ARAP3: variants seen among roughly 807,000 people sequenced by gnomAD.
ARAP3 encodes the protein arf-GAP with Rho-GAP domain, ANK repeat and PH domain-containing protein 3.
A neutral mutation model predicts 169.2 loss-of-function variants in ARAP3; 82 were observed. The ratio of observed to expected loss-of-function variants is 0.48; its 90% CI spans 0.41 to 0.58. The LOEUF is 0.58. Ranked by LOEUF, ARAP3 falls within the 20% of genes least tolerant of loss-of-function variation. The pLI, the probability that ARAP3 is intolerant of heterozygous loss-of-function variation, is 0.00. For missense variants in ARAP3, 1,764 were observed against 2,018.0 expected, an observed-to-expected ratio of 0.87 and a Z score of 2.41; for synonymous variants, 791 against 800.3, an observed-to-expected ratio of 0.99 and a Z score of 0.20.
Position 141,672,128 on chromosome 5 carries a change from C to T in ARAP3, c.1559G>A (p.Gly520Glu). ...SRPDWAAVNL[G>E]VVICKQCAGQ... ...TGCACACTGCTTGCAGATGACCACCCCCAAATTGACAGCAGCCCAATCTGG... is the reference window on the plus strand; with the variant it reads ...TGCACACTGCTTGCAGATGACCACCTCCAAATTGACAGCAGCCCAATCTGG... Residue 520 changes from glycine to glutamate, a missense_variant, in exon 10 of 33, where the codon GGG becomes GAG. Physicochemically the swap from Gly to Glu is moderately conservative, Grantham distance 98. Around this residue, in one of 3 missense-constraint regions of ARAP3, gnomAD observed 22 missense variants for 53.6 expected, o/e 0.41. Coordinates refer to ENST00000239440, the MANE Select transcript of ARAP3 (RefSeq NM_022481.6). This position sits in a 1 kb window ranked among gnomAD's most constrained non-coding sequence, Gnocchi z 4.9. 1 of 1,614,182 alleles carries T rather than the reference C, an allele frequency of 6.2e-7. No individual in the cohort carries two copies. The highest frequency in any genetic ancestry group is 2.2e-5 in the East Asian group (1 of 44,872).
At chr5:141,657,578 G>A (rs1359903393) in intron 25 of ARAP3, among the ~76,000 whole-genome samples, 1 of 152,224 alleles carries the variant, frequency 6.6e-6, no homozygotes, top group Non-Finnish European at 1.5e-5. Flanking sequence ...CCCCTTTCTG[G>A]GGCCACACAT....
intron 16 of ARAP3, among the ~76,000 whole-genome samples, chr5:141,667,688 A>C (rs2099910852): frequency 7.0e-6 from 1 of 142,058 alleles, no homozygotes; most frequent in South Asian, 2.5e-4. Context: ...TCGGCCTCCC[A>C]AAGTGTTGGG....
At chr5:141,665,124 A>AC (rs2099910463) in intron 18 of ARAP3, 39 bp from the exon 19 acceptor site, 1 of 1,589,442 alleles carries the variant, frequency 6.3e-7, no homozygotes, top group Non-Finnish European at 8.6e-7. Flanking sequence ...CAGCTCCGAC[A>AC]GGCCCAGATG....
At position 141,666,518 on chromosome 5, in the gene ARAP3, G is replaced by A; in HGVS notation, c.2478C>T (p.Leu826=). The change falls in exon 17 of 33, where the codon CTC becomes CTT. Residue 826 remains leucine (L), a synonymous_variant. Coordinates refer to ENST00000239440, the MANE Select transcript of ARAP3 (RefSeq NM_022481.6). ...APGLWLSGFG[L]LRGDHLFLCS... ...ACAGGAAGAGGTGGTCACCACGAAG[G>A]AGGCCAAACCCTGACAGCCAGAGAC... is the stretch of plus-strand genomic sequence containing the variant. 6.9e-6 allele frequency: 11 copies of A among 1,603,870 alleles called. No individual in the cohort carries two copies. Among genetic ancestry groups the A allele is most frequent in the Non-Finnish European group, 2.6e-6 (3 of 1,175,366 alleles).
At chr5:141,655,258 A>ACACACCC in intron 32 of ARAP3, 104 bp downstream of exon 32, 1 of 1,109,418 alleles carries the variant, frequency 9.0e-7, no homozygotes, top group South Asian at 1.5e-5. Context: ...ACACACACAC[A>ACACACCC]CCCCCTGATG....
intron 4 of ARAP3, among the ~76,000 whole-genome samples, chr5:141,674,614 G>A (rs1454752512): frequency 6.6e-6 from 1 of 152,182 alleles, no homozygotes; most frequent in Non-Finnish European, 1.5e-5. Flanking sequence ...AGATTGGCAT[G>A]GGGCTGCTTT....
Position 141,679,678 on chromosome 5 carries a change from G to A in ARAP3, c.587-22C>T, listed in dbSNP as rs376793312. The stretch of plus-strand genomic sequence containing the variant: ...TGCACTGGCAGGAGGAGAGGGGAAC[G>A]CACAAGGAAGAGGAGATCGCTGGGA... On this transcript the variant is annotated intron_variant, in intron 3 of 32. Coordinates refer to ENST00000239440, the MANE Select transcript of ARAP3 (RefSeq NM_022481.6). The A allele has an allele frequency of 9.9e-6, 16 of 1,613,616 alleles. No homozygotes were observed. In the Admixed American group the frequency reaches 1.0e-4, roughly 10 times the overall value.
At position 141,656,213 on chromosome 5, in the gene ARAP3, T is replaced by G. The variant is rs750620055; in HGVS notation, c.3853A>C (p.Lys1285Gln). The change falls in exon 28 of 33, where the codon AAG (lysine) becomes CAG (glutamine). Residue 1285 changes from lysine to glutamine, a missense_variant. Physicochemically the swap from Lys to Gln is moderately conservative, Grantham distance 53. Around this residue, in one of 3 missense-constraint regions of ARAP3, gnomAD observed 1,112 missense variants for 1,285.7 expected, o/e 0.86. Transcript: ENST00000239440. Reference protein sequence around the residue: ...GAKVYLGIRKKLKPPTPWGFT... With the variant: ...GAKVYLGIRKQLKPPTPWGFT... The stretch of plus-strand genomic sequence containing the variant: ...ACTCACGGTGTTGGGGGCTTTAACT[T>G]CTTGCGGATTCCCAGGTAGACCTTG... 1 of 1,614,156 alleles carries G rather than the reference T, an allele frequency of 6.2e-7. No individual in the cohort carries two copies. Among genetic ancestry groups the G allele is most frequent in the Admixed American group, 1.7e-5 (1 of 60,022 alleles).
intron 4 of ARAP3, among the ~76,000 whole-genome samples, chr5:141,676,862 A>G (rs2099912249): frequency 6.6e-6 from 1 of 152,080 alleles, no homozygotes; most frequent in African/African-American, 2.4e-5. Context: ...ACCTCTCTCT[A>G]GACTCTAAGC....
intron 4 of ARAP3, among the ~76,000 whole-genome samples, chr5:141,677,457 G>A (rs924843007): frequency 1.4e-5 from 2 of 146,822 alleles, no homozygotes; most frequent in Admixed American, 7.1e-5. Context: ...AGCCCTCAAA[G>A]TCATTCTTGA....
intron 27 of ARAP3, 53 bp from the exon 28 acceptor site, chr5:141,656,329 T>C (rs1193887035): frequency 4.3e-6 from 7 of 1,610,524 alleles, no homozygotes; most frequent in Non-Finnish European, 5.9e-6. Flanking sequence ...TCATGGTTAA[T>C]GAGGTCAAGA....
chr5:141,654,037 G>C lies in ARAP3; in HGVS notation c.4548C>G (p.Ser1516Arg). 6.3e-7 allele frequency: 1 copy of C among 1,594,216 alleles called. No homozygotes were observed. The highest frequency in any genetic ancestry group is 8.5e-7 in the Non-Finnish European group (1 of 1,170,512). ...GTGTCTGTGTTGGAAGGCCAGTGGG[G>C]CTGGGGGATTGGGGGCTGGATGGCT... ...PSQPSSPQSP[S>R]PTGLPTQTPG... Residue 1516 changes from serine (S) to arginine (R), a missense_variant, in exon 33 of 33, where the codon AGC becomes AGG. This residue lies in a region of ARAP3 where 1,112 missense variants were observed against 1,285.7 expected (regional missense o/e 0.86). Coordinates refer to ENST00000239440, the MANE Select transcript of ARAP3 (RefSeq NM_022481.6).
Position 141,671,308 on chromosome 5 carries a change from G to A in ARAP3, c.1947C>T (p.Phe649=), listed in dbSNP as rs776766390. 9.3e-6 allele frequency: 15 copies of A among 1,613,498 alleles called. No homozygotes were observed. The African/African-American group carries it at 1.9e-4, about 20-fold the overall frequency. The stretch of plus-strand genomic sequence containing the variant: ...GGCAGCTGCCATCAGGGGCTGGGGG[G>A]AACCAGGGCTCCTCGCCTTCAAAGG... ...VEAFEGEEPW[F]PPAPDGSCPG... is the part of the protein sequence containing the mutation. The change falls in exon 13 of 33, where the codon TTC becomes TTT. Residue 649 remains phenylalanine, a synonymous_variant. Transcript: ENST00000239440. The surrounding 1 kb of genome is among the most constrained non-coding windows in gnomAD (Gnocchi z 4.9).
chr5:141,671,302 T>C lies in ARAP3; in HGVS notation c.1953A>G (p.Pro651=). The change falls in exon 13 of 33, where the codon CCA becomes CCG. Residue 651 remains proline, a synonymous_variant. Transcript: ENST00000239440. This position sits in a 1 kb window ranked among gnomAD's most constrained non-coding sequence, Gnocchi z 4.9. ...AFEGEEPWFP[P]APDGSCPGLL... ...GGCCAGGGCAGCTGCCATCAGGGGC[T>C]GGGGGGAACCAGGGCTCCTCGCCTT... 6.2e-7 allele frequency: 1 copy of C among 1,613,234 alleles called. No individual in the cohort carries two copies. The highest frequency in any genetic ancestry group is 8.5e-7 in the Non-Finnish European group (1 of 1,179,646).
intron 26 of ARAP3, 31 bp downstream of exon 26, chr5:141,656,687 G>A (rs1232210489): frequency 6.2e-7 from 1 of 1,612,980 alleles, no homozygotes; most frequent in Admixed American, 1.7e-5. Context: ...GGAGAGACCT[G>A]GGGGATGCTG....
chr5:141,655,668 G>T lies in ARAP3; in HGVS notation c.4063C>A (p.Arg1355Ser). 1 of 1,614,162 alleles carries T rather than the reference G, an allele frequency of 6.2e-7. No homozygotes were observed. Among genetic ancestry groups the T allele is most frequent in the Admixed American group, 1.7e-5 (1 of 60,026 alleles). The change falls in exon 31 of 33, where the codon CGT becomes AGT. Residue 1355 changes from arginine (R) to serine (S), a missense_variant. Physicochemically the swap from Arg to Ser is moderately radical, Grantham distance 110 (BLOSUM62 -1). This residue lies in a region of ARAP3 where 1,112 missense variants were observed against 1,285.7 expected (regional missense o/e 0.86). Coordinates refer to ENST00000239440, the MANE Select transcript of ARAP3 (RefSeq NM_022481.6). Reference protein sequence around the residue: ...KFGTMPLLPIRGDDSGATLLS... With the variant: ...KFGTMPLLPISGDDSGATLLS... ...AGGGTGGCTCCACTGTCATCCCCACGGATAGGCAGCAAAGGCATAGTGCCA... is the reference window on the plus strand; with the variant it reads ...AGGGTGGCTCCACTGTCATCCCCACTGATAGGCAGCAAAGGCATAGTGCCA...
rs1464135643 is a variant in ARAP3, at chr5:141,662,061, G to A, written c.2995C>T (p.Arg999Cys). 3.7e-6 allele frequency: 6 copies of A among 1,614,046 alleles called. No homozygotes were observed. Among genetic ancestry groups the A allele is most frequent in the Middle Eastern group, 3.3e-4 (2 of 6,084 alleles). The change falls in exon 20 of 33, where the codon CGC becomes TGC. Residue 999 changes from arginine to cysteine, a missense_variant. Around this residue, in one of 3 missense-constraint regions of ARAP3, gnomAD observed 1,112 missense variants for 1,285.7 expected, o/e 0.86. Coordinates refer to ENST00000239440, the MANE Select transcript of ARAP3 (RefSeq NM_022481.6). Reference protein sequence around the residue: ...DPVTSARLLPRWREAAELPQK... With the variant: ...DPVTSARLLPCWREAAELPQK... Reference sequence around the variant, plus strand: ...GGAATACCAGCAGCCTCCCTCCAGCGAGGCAGCAACCGTGCAGAGGTCACA... The same window carrying A: ...GGAATACCAGCAGCCTCCCTCCAGCAAGGCAGCAACCGTGCAGAGGTCACA...
chr5:141,672,867 C>G lies in ARAP3; in HGVS notation c.1152G>C (p.Leu384=). 6.2e-7 allele frequency: 1 copy of G among 1,606,036 alleles called. No individual in the cohort carries two copies. Among genetic ancestry groups the G allele is most frequent in the African/African-American group, 1.3e-5 (1 of 74,896 alleles). Residue 384 remains leucine (L), a synonymous_variant, in exon 8 of 33, where the codon CTG becomes CTC. Transcript: ENST00000239440. This position sits in a 1 kb window ranked among gnomAD's most constrained non-coding sequence, Gnocchi z 4.9. Reference sequence around the variant, plus strand: ...GTGGTTGGGGGGGCCGGGGGTGGCCCAGGAGGCGCTGCTCCTTCAGACAGG... The same window carrying G: ...GTGGTTGGGGGGGCCGGGGGTGGCCGAGGAGGCGCTGCTCCTTCAGACAGG... ...LQSCLKEQRL[L]GHPRPPQPPR...
rs188578628 is a variant in ARAP3 at position 141,667,395 on chromosome 5, A to G, written c.2353-752T>C. Among the ~76,000 whole-genome samples the G allele has an allele frequency of 2.0e-3, 304 of 151,696 alleles. 2 individuals carry two copies. The highest frequency in any genetic ancestry group is 7.0e-3 in the African/African-American group (291 of 41,386). ...CAGGGTTTTTTCCTTTTTCCTTCTTAAAGTCCCAAGCTGTCACTAACCAAT... is the reference window on the plus strand; with the variant it reads ...CAGGGTTTTTTCCTTTTTCCTTCTTGAAGTCCCAAGCTGTCACTAACCAAT... On this transcript the variant is annotated intron_variant, in intron 16 of 32. Transcript: ENST00000239440.
Sources: gnomAD v4.1 joint callset for allele counts (sites outside exome capture counted in the v4.1 genomes callset) on GRCh38, gnomAD v4.1.1 for gene constraint, gnomAD v4.1.1 regional missense constraint, Gnocchi (gnomAD v3.1) non-coding constraint, MANE v1.5 for transcripts, NCBI Gene and HGNC (gene_info 2026-07-23, HGNC 2026-07-21) for gene names.